The following ICA1 variants were observed in gnomAD, a reference collection of about 807,000 sequenced individuals.
The protein encoded by ICA1 is 69 kDa islet cell autoantigen.
A neutral mutation model predicts 71.0 loss-of-function variants in ICA1; 40 were observed. That is an observed-to-expected ratio of 0.56 (90% confidence interval 0.44 to 0.73). The LOEUF (loss-of-function observed/expected upper bound fraction) is 0.73, where lower values mean the gene tolerates loss of function less well. Ranked by LOEUF, ICA1 falls within the 30% of genes least tolerant of loss-of-function variation. The probability of loss-of-function intolerance (pLI) is 0.00; values close to 1 mark genes in which losing one functional copy is unlikely to be tolerated. For synonymous variants in ICA1, 207 were observed against 209.5 expected, an observed-to-expected ratio of 0.99 and a Z score of 0.10; for missense variants, 578 against 576.5, an observed-to-expected ratio of 1.00 and a Z score of -0.03.
chr7:8,237,942 T>C (rs1300187117), intron 1 of ICA1, among the ~76,000 whole-genome samples: 3 of 152,112 alleles, frequency 2.0e-5, no homozygotes, highest in Admixed American at 1.3e-4. Context: ...AAACACAGTA[T>C]ACAGTGTCAA....
chr7:8,141,689 C>T lies in ICA1; in HGVS notation c.955+76G>A, dbSNP rs1795283758. The stretch of plus-strand genomic sequence containing the variant: ...GAAGAAAGGCCTAGGAGGAGTTTGT[C>T]AAAAAGTAAAATGACTTGGCTGTTA... On this transcript the variant is annotated intron_variant, in intron 10 of 13. Transcript: ENST00000402384. 51 of 956,012 alleles carry T rather than the reference C, an allele frequency of 5.3e-5. No homozygotes were observed. In the South Asian group the frequency reaches 7.7e-4, roughly 14 times the overall value. 59.2% of individuals were successfully genotyped at this position (956,012 alleles called of 1,614,324 possible). A position where few individuals can be genotyped will look rare whatever the true frequency, so the allele number is the denominator to read the frequency against.
At chr7:8,207,368 C>T (rs891253401) in intron 6 of ICA1, among the ~76,000 whole-genome samples, 1 of 152,158 alleles carries the variant, frequency 6.6e-6, no homozygotes, top group African/African-American at 2.4e-5. Flanking sequence ...TTTAGGGCTC[C>T]CTGAACCCAT....
Position 8,232,723 on chromosome 7 carries a change from G to A in ICA1, c.50C>T (p.Ala17Val). 1 of 1,608,080 alleles carries A rather than the reference G, an allele frequency of 6.2e-7. No homozygotes were observed. The highest frequency in any genetic ancestry group is 1.1e-5 in the South Asian group (1 of 89,404). The change falls in exon 3 of 14, where the codon GCT (alanine) becomes GTT (valine). Residue 17 changes from alanine (A) to valine (V), a missense_variant. Coordinates refer to ENST00000402384, the MANE Select transcript of ICA1 (RefSeq NM_001136020.3). ...CTTATTTACAACTGACTTATCTTGA[G>A]CATATCGATCCTGTAAGTCCCAGGG... ...SYPWDLQDRY[A>V]QDKSVVNKMQ... is the part of the protein sequence containing the mutation.
intron 3 of ICA1, among the ~76,000 whole-genome samples, chr7:8,232,338 G>C (rs1360176194): frequency 6.6e-6 from 1 of 152,164 alleles, no homozygotes; most frequent in East Asian, 1.9e-4. Context: ...CTTTTCCCAA[G>C]AAACGCTTAC....
chr7:8,209,527 TTTA>T (rs1175832698), intron 6 of ICA1, among the ~76,000 whole-genome samples: 1 of 152,258 alleles, frequency 6.6e-6, no homozygotes, highest in African/African-American at 2.4e-5. Context: ...ATTATGTTTA[TTTA>T]TTATGCAATT....
At chr7:8,246,654 G>A (rs1012701125) in intron 1 of ICA1, among the ~76,000 whole-genome samples, 1 of 152,232 alleles carries the variant, frequency 6.6e-6, no homozygotes, top group African/African-American at 2.4e-5. Flanking sequence ...AAACCACCTT[G>A]CTCTGTGGGA....
At chr7:8,153,412 G>A (rs1176024621) in intron 8 of ICA1, among the ~76,000 whole-genome samples, 1 of 152,134 alleles carries the variant, frequency 6.6e-6, no homozygotes, top group Non-Finnish European at 1.5e-5. Flanking sequence ...TCAACCTGCT[G>A]CCAGCACGCC....
intron 4 of ICA1, among the ~76,000 whole-genome samples, chr7:8,224,273 A>G (rs1797963167): frequency 6.6e-6 from 1 of 152,074 alleles, no homozygotes; most frequent in South Asian, 2.1e-4. Context: ...GAGAGCAGGG[A>G]CCTTCCAGGC....
intron 12 of ICA1, among the ~76,000 whole-genome samples, chr7:8,133,846 C>T (rs1462994123): frequency 2.0e-4 from 24 of 118,836 alleles, no homozygotes; most frequent in South Asian, 5.4e-4. Context: ...AAAAATCATA[C>T]TTTTTTTTTT....
At position 8,234,434 on chromosome 7, in the gene ICA1, T is replaced by A. The variant is rs1801211709; in HGVS notation, c.17+1476A>T. 6.6e-6 allele frequency among the ~76,000 whole-genome samples: 1 copy of A among 152,144 alleles called. No individual in the cohort carries two copies. ...CCCAGGCAACTCTCCTCTGTGGAGA[T>A]GTACTTTCCTCTACCCCATCCCATC... On this transcript the variant is annotated intron_variant, in intron 2 of 13. Coordinates refer to ENST00000402384, the MANE Select transcript of ICA1 (RefSeq NM_001136020.3). The surrounding 1 kb of genome is among the most constrained non-coding windows in gnomAD (Gnocchi z 4.5).
intron 1 of ICA1, among the ~76,000 whole-genome samples, chr7:8,258,751 A>C (rs898130251): frequency 3.9e-5 from 6 of 152,198 alleles, no homozygotes; most frequent in African/African-American, 1.2e-4. Context: ...CAAAAAACAA[A>C]AACTATGTTA....
chr7:8,147,107 C>T (rs534384078), intron 8 of ICA1, among the ~76,000 whole-genome samples: 26 of 152,242 alleles, frequency 1.7e-4, no homozygotes, highest in African/African-American at 5.5e-4. Flanking sequence ...AGGGCCAGGG[C>T]ATGTCTGCTC....
intron 13 of ICA1, among the ~76,000 whole-genome samples, chr7:8,125,142 T>C (rs900165458): frequency 6.6e-6 from 1 of 152,168 alleles, no homozygotes; most frequent in Non-Finnish European, 1.5e-5. Context: ...AAATAAAACT[T>C]CTAGCAGACA....
intron 8 of ICA1, 129 bp downstream of exon 8, chr7:8,156,987 G>A (rs758763660): frequency 1.3e-6 from 2 of 1,581,568 alleles, no homozygotes; most frequent in African/African-American, 1.3e-5. Flanking sequence ...GACTCTGCTG[G>A]GGGCACAGTT....
At chr7:8,215,037 T>TA (rs1463266784) in intron 6 of ICA1, among the ~76,000 whole-genome samples, 1 of 152,178 alleles carries the variant, frequency 6.6e-6, no homozygotes, top group Non-Finnish European at 1.5e-5. Flanking sequence ...CGGGTTTGTG[T>TA]AAAAGCCTCC....
At chr7:8,137,010 T>G (rs1793654429) in intron 12 of ICA1, among the ~76,000 whole-genome samples, 1 of 151,962 alleles carries the variant, frequency 6.6e-6, no homozygotes, top group African/African-American at 2.4e-5. Context: ...GTTGTACCTT[T>G]ACCGCCAAGT....
In ICA1 at chr7:8,139,067, A is replaced by G. The variant is rs1794337185; in HGVS notation, c.956-20T>C. ...CTTCAGCTGTAATATAACATGTGCA[A>G]CTGGTTACCAACAACTCGAAATGGT... On this transcript the variant is annotated intron_variant, in intron 10 of 13. Transcript: ENST00000402384. 2 of 1,595,294 alleles carry G rather than the reference A, an allele frequency of 1.3e-6. No individual in the cohort carries two copies. Among genetic ancestry groups the G allele is most frequent in the African/African-American group, 1.3e-5 (1 of 74,546 alleles).
chr7:8,157,282 G>C, intron 7 of ICA1, 68 bp from the exon 8 acceptor site: 1 of 1,383,288 alleles, frequency 7.2e-7, no homozygotes, highest in Non-Finnish European at 9.9e-7. Context: ...CCCCAGGGAA[G>C]TATGACTCTC....
At chr7:8,242,841 T>G (rs1804475191) in intron 1 of ICA1, among the ~76,000 whole-genome samples, 1 of 152,094 alleles carries the variant, frequency 6.6e-6, no homozygotes, top group Admixed American at 6.5e-5. Context: ...CCTGGACACA[T>G]ACACCCTCCC....
Sources: gnomAD v4.1 joint callset for allele counts (sites outside exome capture counted in the v4.1 genomes callset) on GRCh38, gnomAD v4.1.1 for gene constraint, Gnocchi (gnomAD v3.1) non-coding constraint, MANE v1.5 for transcripts, NCBI Gene and HGNC (gene_info 2026-07-23, HGNC 2026-07-21) for gene names.